MPHOSPH8: variants seen among roughly 807,000 people sequenced by gnomAD.
The protein encoded by MPHOSPH8 is M-phase phosphoprotein 8.
A neutral mutation model predicts 87.3 loss-of-function variants in MPHOSPH8; 45 were observed. The ratio of observed to expected loss-of-function variants is 0.52; its 90% CI spans 0.41 to 0.66. The LOEUF is 0.66. Among genes scored for constraint, MPHOSPH8 ranks in the 30% least tolerant of loss-of-function variants. MPHOSPH8 has a pLI of 0.00. For synonymous variants in MPHOSPH8, 366 were observed against 376.9 expected (o/e 0.97, Z 0.33); for missense variants, 883 against 1,020.2 (o/e 0.87, Z 1.83).
At chr13:19,648,032 AAAC>A (rs1874659212) in intron 3 of MPHOSPH8, among the ~76,000 whole-genome samples, 1 of 152,210 alleles carries the variant, frequency 6.6e-6, no homozygotes, top group Non-Finnish European at 1.5e-5. Context: ...TGTGTAATGT[AAAC>A]AAAAATGAAT....
chr13:19,637,929 G>A (rs1007323250), intron 1 of MPHOSPH8, among the ~76,000 whole-genome samples: 9 of 151,472 alleles, frequency 5.9e-5, no homozygotes, highest in Non-Finnish European at 1.2e-4. Flanking sequence ...GTGAAACCCC[G>A]TCTCTACTAA....
intron 5 of MPHOSPH8, among the ~76,000 whole-genome samples, chr13:19,652,536 T>G (rs1031305589): frequency 2.0e-5 from 3 of 151,320 alleles, no homozygotes; most frequent in Admixed American, 2.0e-4. Context: ...GCTGCAGAAG[T>G]TTTTTTTCCA....
intron 7 of MPHOSPH8, chr13:19,660,950 C>G: frequency 1.0e-6 from 1 of 985,024 alleles, no homozygotes; most frequent in East Asian, 1.1e-4. Context: ...ATTTAATACA[C>G]AAAACAAAAA....
chr13:19,660,406 T>C (rs890395374), intron 7 of MPHOSPH8, among the ~76,000 whole-genome samples: 1 of 152,180 alleles, frequency 6.6e-6, no homozygotes, highest in Non-Finnish European at 1.5e-5. Flanking sequence ...GGCTTTTGGG[T>C]ATCTTGTCTT....
chr13:19,658,697 C>T (rs1030522890), intron 5 of MPHOSPH8, among the ~76,000 whole-genome samples: 3 of 152,204 alleles, frequency 2.0e-5, no homozygotes, highest in African/African-American at 4.8e-5. Flanking sequence ...ACCAGATCCC[C>T]GATCCCTCCT....
intron 11 of MPHOSPH8, among the ~76,000 whole-genome samples, chr13:19,668,906 A>G (rs2065142604): frequency 6.6e-6 from 1 of 152,184 alleles, no homozygotes; most frequent in Non-Finnish European, 1.5e-5. Flanking sequence ...CTGAGTGGAA[A>G]GAGATGGAGA....
chr13:19,661,276 T>TA (rs1403675801), intron 7 of MPHOSPH8, among the ~76,000 whole-genome samples: 2 of 152,202 alleles, frequency 1.3e-5, no homozygotes, highest in Non-Finnish European at 2.9e-5. Context: ...TTACATCTTT[T>TA]AAAAAACCTA....
intron 4 of MPHOSPH8, 29 bp from the exon 5 acceptor site, chr13:19,649,970 ATACT>A (rs1874755474): frequency 6.7e-7 from 1 of 1,494,848 alleles, no homozygotes. Context: ...TTTGTGACTC[ATACT>A]TAACCATCTA....
At chr13:19,663,669 C>T (rs2137537304) in intron 9 of MPHOSPH8, among the ~76,000 whole-genome samples, 1 of 152,284 alleles carries the variant, frequency 6.6e-6, no homozygotes, top group East Asian at 1.9e-4. Flanking sequence ...TCTTAGGGGG[C>T]CCTGCCAGGT....
At chr13:19,659,467 C>T (rs998952572) in intron 7 of MPHOSPH8, among the ~76,000 whole-genome samples, 178 bp downstream of exon 7, 2 of 152,142 alleles carry the variant, frequency 1.3e-5, no homozygotes, top group African/African-American at 4.8e-5. Context: ...AATTCAAGAC[C>T]AGCCTGGGCT....
At position 19,661,742 on chromosome 13, in the gene MPHOSPH8, G is replaced by A; in HGVS notation, c.1836G>A (p.Gly612=). The stretch of plus-strand genomic sequence containing the variant: ...TGGTGATGCTTGCCGCCGCCGGAGG[G>A]CAGGACGACCTCCTGCGACTCCTCA... ...MTLVMLAAAG[G]QDDLLRLLIT... is the part of the protein sequence containing the mutation. The change falls in exon 8 of 14, where the codon GGG becomes GGA. Residue 612 remains glycine, a synonymous_variant. Transcript: ENST00000361479. 1.9e-6 allele frequency: 3 copies of A among 1,611,928 alleles called. No individual in the cohort carries two copies. The highest frequency in any genetic ancestry group is 1.7e-6 in the Non-Finnish European group (2 of 1,178,656).
intron 2 of MPHOSPH8, among the ~76,000 whole-genome samples, chr13:19,642,885 T>C (rs1874373239): frequency 6.6e-6 from 1 of 152,182 alleles, no homozygotes; most frequent in Non-Finnish European, 1.5e-5. Context: ...TTAATAATAA[T>C]AGCAATAACA....
chr13:19,668,161 G>A (rs1861609433), intron 10 of MPHOSPH8, among the ~76,000 whole-genome samples: 1 of 152,218 alleles, frequency 6.6e-6, no homozygotes. Context: ...GTGGAGGGAA[G>A]AGACTTGCCT....
Position 19,647,126 on chromosome 13 carries a change from C to T in MPHOSPH8, c.1053C>T (p.Asn351=), listed in dbSNP as rs779644631. Residue 351 remains asparagine, a synonymous_variant, in exon 3 of 14, where the codon AAC becomes AAT. Transcript: ENST00000361479. ...TRENRKLENK[N]AFLEKKTVPK... ...AGAACAGGAAGCTAGAGAACAAGAA[C>T]GCTTTCTTAGAGAAGAAAACTGTGC... The T allele has an allele frequency of 1.1e-5, 18 of 1,613,736 alleles. No individual in the cohort carries two copies. Among genetic ancestry groups the T allele is most frequent in the Admixed American group, 1.0e-4 (6 of 59,944 alleles).
At position 19,650,083 on chromosome 13, in the gene MPHOSPH8, A is replaced by G. The variant is rs779826863; in HGVS notation, c.1399A>G (p.Lys467Glu). The G allele has an allele frequency of 1.9e-5, 30 of 1,613,002 alleles. No individual in the cohort carries two copies. In the South Asian group the frequency reaches 3.1e-4, roughly 17 times the overall value. The change falls in exon 5 of 14, where the codon AAA (lysine) becomes GAA (glutamate). Residue 467 changes from lysine to glutamate, a missense_variant. By Grantham distance (56) the Lys-to-Glu change is moderately conservative (BLOSUM62 1). Around this residue, in one of 3 missense-constraint regions of MPHOSPH8, gnomAD observed 741 missense variants for 841.5 expected, o/e 0.88. Coordinates refer to ENST00000361479, the MANE Select transcript of MPHOSPH8 (RefSeq NM_017520.4). ...AAATGATGTTTCTGAGAATAATCGG[A>G]AAAGGGAAGAAATACCACTGGATTT... Reference protein sequence around the residue: ...EKNDVSENNRKREEIPLDFKT... With the variant: ...EKNDVSENNREREEIPLDFKT...
At chr13:19,663,169 C>A in intron 9 of MPHOSPH8, 43 bp downstream of exon 9, 1 of 1,531,192 alleles carries the variant, frequency 6.5e-7, no homozygotes, top group Non-Finnish European at 9.0e-7. Context: ...ACTACGTTGG[C>A]AGGTGCTCGT....
intron 10 of MPHOSPH8, among the ~76,000 whole-genome samples, chr13:19,667,351 C>T (rs780287629): frequency 2.6e-5 from 4 of 152,154 alleles, no homozygotes; most frequent in Non-Finnish European, 5.9e-5. Flanking sequence ...AGCTGGGGAA[C>T]CTACAGGGAC....
rs1445904199 is a variant in MPHOSPH8, at chr13:19,633,801, C to G, written c.53C>G (p.Ala18Gly). Residue 18 changes from alanine to glycine, a missense_variant, in exon 1 of 14, where the codon GCC becomes GGC. This residue lies in a region of MPHOSPH8 where 103 missense variants were observed against 96.3 expected (regional missense o/e 1.07). Coordinates refer to ENST00000361479, the MANE Select transcript of MPHOSPH8 (RefSeq NM_017520.4). Reference sequence around the variant, plus strand: ...GTGACCGCAGTCCCTGTGTCAGCTGCCGACAGCACTGAGGAGTTGGCCGAA... The same window carrying G: ...GTGACCGCAGTCCCTGTGTCAGCTGGCGACAGCACTGAGGAGTTGGCCGAA... ...ARVTAVPVSA[A>G]DSTEELAEVE... 6.2e-7 allele frequency: 1 copy of G among 1,608,748 alleles called. No individual in the cohort carries two copies. The highest frequency in any genetic ancestry group is 2.2e-5 in the East Asian group (1 of 44,758).
Position 19,671,297 on chromosome 13 carries a change from T to C in MPHOSPH8, c.2541+8T>C, listed in dbSNP as rs749696594. ...GAAGCACCCTCTGCCAAGGTGACAG[T>C]CCTTTCTTCACATTTAGTGTCACTA... On this transcript the variant is annotated splice_region_variant and intron_variant, in intron 13 of 13. Coordinates refer to ENST00000361479, the MANE Select transcript of MPHOSPH8 (RefSeq NM_017520.4). 2 of 1,606,330 alleles carry C rather than the reference T, an allele frequency of 1.2e-6. No individual in the cohort carries two copies. The highest frequency in any genetic ancestry group is 1.7e-6 in the Non-Finnish European group (2 of 1,173,090).
Sources: gnomAD v4.1 joint callset for allele counts (sites outside exome capture counted in the v4.1 genomes callset) on GRCh38, gnomAD v4.1.1 for gene constraint, gnomAD v4.1.1 regional missense constraint, MANE v1.5 for transcripts, NCBI Gene and HGNC (gene_info 2026-07-23, HGNC 2026-07-21) for gene names.